The following NEK8 variants were observed in gnomAD, a reference collection of about 807,000 sequenced individuals.
NEK8 encodes the protein serine/threonine-protein kinase Nek8.
Under a neutral mutation model 77.2 loss-of-function variants are expected in NEK8, and 51 were observed. The observed-to-expected ratio is 0.66, with a 90% CI of 0.53 to 0.83. NEK8 has a LOEUF of 0.83. Ranked by LOEUF, NEK8 falls within the 40% of genes least tolerant of loss-of-function variation. The probability of loss-of-function intolerance (pLI) is 0.00; values close to 1 mark genes in which losing one functional copy is unlikely to be tolerated. For synonymous variants in NEK8, 365 were observed against 363.2 expected (o/e 1.00, Z -0.06); for missense variants, 787 against 909.2 (o/e 0.87, Z 1.73).
rs767752806 is a variant in NEK8, at chr17:28,740,423, C to T, written c.1418-40C>T. ...CCTCCTCATTCGGGCATCACCCCCA[C>T]TAAAGCTCAAATTAACTCCTTCTGG... On this transcript the variant is annotated intron_variant, in intron 10 of 14. Coordinates refer to ENST00000268766, the MANE Select transcript of NEK8 (RefSeq NM_178170.3). This position sits in a 1 kb window ranked among gnomAD's most constrained non-coding sequence, Gnocchi z 4.7. 3.1e-6 allele frequency: 5 copies of T among 1,609,708 alleles called. No homozygotes were observed. The East Asian group carries it at 8.9e-5, about 29-fold the overall frequency.
intron 1 of NEK8, among the ~76,000 whole-genome samples, chr17:28,733,324 T>C (rs937404608): frequency 6.6e-6 from 1 of 152,240 alleles, no homozygotes. Context: ...TTAGGATGAC[T>C]GTGAGCCATT....
chr17:28,731,321 C>T (rs2034304250), intron 1 of NEK8, among the ~76,000 whole-genome samples: 1 of 151,812 alleles, frequency 6.6e-6, no homozygotes, highest in Non-Finnish European at 1.5e-5. Context: ...GGGCAGGTCA[C>T]GAGGTCAAGA....
In NEK8 at chr17:28,737,909, T is replaced by C; in HGVS notation, c.980T>C (p.Leu327Pro). ...GGTGGGCTGGGCACCCCCCTGCGGC[T>C]GCCAATGCTCAACACAGAGGTGGTC... ...WGGGLGTPLR[L>P]PMLNTEVVQV... Residue 327 changes from leucine to proline, a missense_variant, in exon 7 of 15, where the codon CTG becomes CCG. Around this residue, in one of 2 missense-constraint regions of NEK8, gnomAD observed 516 missense variants for 544.0 expected, o/e 0.95. Transcript: ENST00000268766. This position sits in a 1 kb window ranked among gnomAD's most constrained non-coding sequence, Gnocchi z 4.8. 1 of 1,613,824 alleles carries C rather than the reference T, an allele frequency of 6.2e-7. No homozygotes were observed. The highest frequency in any genetic ancestry group is 8.5e-7 in the Non-Finnish European group (1 of 1,179,984).
chr17:28,732,675 C>T (rs914657363), intron 1 of NEK8, among the ~76,000 whole-genome samples: 1 of 150,722 alleles, frequency 6.6e-6, no homozygotes, highest in Non-Finnish European at 1.5e-5. Flanking sequence ...CCTCAGCCTC[C>T]CGAGTAGCTG....
rs901609723 is a variant in NEK8, at chr17:28,737,454, C to G, written c.767C>G (p.Pro256Arg). 6.2e-7 allele frequency: 1 copy of G among 1,612,982 alleles called. No homozygotes were observed. The highest frequency in any genetic ancestry group is 1.3e-5 in the African/African-American group (1 of 74,930). ...RPPLSHIMAQ[P>R]LCIRALLNLH... Reference sequence around the variant, plus strand: ...CCACTCAGCCACATCATGGCACAGCCCCTCTGCATCCGTGCCCTCCTCAAC... The same window carrying G: ...CCACTCAGCCACATCATGGCACAGCGCCTCTGCATCCGTGCCCTCCTCAAC... Residue 256 changes from proline (P) to arginine (R), a missense_variant, in exon 5 of 15, where the codon CCC becomes CGC. Coordinates refer to ENST00000268766, the MANE Select transcript of NEK8 (RefSeq NM_178170.3). The surrounding 1 kb of genome is among the most constrained non-coding windows in gnomAD (Gnocchi z 4.8).
Position 28,740,009 on chromosome 17 carries a change from G to A in NEK8, c.1418-454G>A, listed in dbSNP as rs1036912790. Among the ~76,000 whole-genome samples, 5 of 152,026 alleles carry A rather than the reference G, an allele frequency of 3.3e-5. No homozygotes were observed. Among genetic ancestry groups the A allele is most frequent in the Non-Finnish European group, 7.4e-5 (5 of 68,006 alleles). On this transcript the variant is annotated intron_variant, in intron 10 of 14. Coordinates refer to ENST00000268766, the MANE Select transcript of NEK8 (RefSeq NM_178170.3). The surrounding 1 kb of genome is among the most constrained non-coding windows in gnomAD (Gnocchi z 4.7). ...CTTTAAAGGAGGAGGATTTTGAGCC[G>A]GCGTGGTGGCTCACGCCTGTAATCC...
At chr17:28,728,990 G>A in intron 1 of NEK8, 130 bp downstream of exon 1, 1 of 846,738 alleles carries the variant, frequency 1.2e-6, no homozygotes, top group Non-Finnish European at 1.9e-6. Flanking sequence ...CCCCGCCCAA[G>A]CTTCCGGTCC....
chr17:28,732,052 TC>T (rs2034313407), intron 1 of NEK8, among the ~76,000 whole-genome samples: 2 of 148,672 alleles, frequency 1.3e-5, no homozygotes, highest in African/African-American at 5.0e-5. Flanking sequence ...TGCCTCAGTC[TC>T]CCGAGTAGCT....
In NEK8 at chr17:28,740,485, G is replaced by C; in HGVS notation, c.1440G>C (p.Arg480Ser). 1.2e-6 allele frequency: 2 copies of C among 1,614,046 alleles called. No homozygotes were observed. The highest frequency in any genetic ancestry group is 2.2e-5 in the East Asian group (1 of 44,880). Residue 480 changes from arginine (R) to serine (S), a missense_variant, in exon 11 of 15, where the codon AGG becomes AGC. Physicochemically the swap from Arg to Ser is moderately radical, Grantham distance 110. This residue lies in a region of NEK8 where 516 missense variants were observed against 544.0 expected (regional missense o/e 0.95). Coordinates refer to ENST00000268766, the MANE Select transcript of NEK8 (RefSeq NM_178170.3). This position sits in a 1 kb window ranked among gnomAD's most constrained non-coding sequence, Gnocchi z 4.7. ...GDSGRLGLGTRESHSCPQQVP... is the reference protein window; with the variant it reads ...GDSGRLGLGTSESHSCPQQVP... Reference sequence around the variant, plus strand: ...TAGGCAGACTGGGGCTAGGCACCAGGGAGTCCCACAGCTGCCCCCAGCAGG... The same window carrying C: ...TAGGCAGACTGGGGCTAGGCACCAGCGAGTCCCACAGCTGCCCCCAGCAGG...
Position 28,734,699 on chromosome 17 carries a change from C to A in NEK8, c.254-73C>A, listed in dbSNP as rs747953383. Reference sequence around the variant, plus strand: ...GAGACTCCATCTCAAAAAAAAAAAACAACAACAACAATGGAGAGGGGTTGT... The same window carrying A: ...GAGACTCCATCTCAAAAAAAAAAAAAAACAACAACAATGGAGAGGGGTTGT... On this transcript the variant is annotated intron_variant, in intron 2 of 14. Transcript: ENST00000268766. 1.4e-3 allele frequency: 1,278 copies of A among 897,976 alleles called. 1 individual carries two copies. The highest frequency in any genetic ancestry group is 1.8e-3 in the Non-Finnish European group (1,019 of 574,434). 55.6% of individuals were successfully genotyped at this position (897,976 alleles called of 1,614,324 possible).
At position 28,737,794 on chromosome 17, in the gene NEK8, T is replaced by C; in HGVS notation, c.890-25T>C. ...TGCCACACCATTCCCATCAGTTTAA[T>C]AGTCCCCATGCACTGTACCTGCAGG... On this transcript the variant is annotated intron_variant, in intron 6 of 14. Transcript: ENST00000268766. The surrounding 1 kb of genome is among the most constrained non-coding windows in gnomAD (Gnocchi z 4.8). The C allele has an allele frequency of 6.2e-7, 1 of 1,614,114 alleles. No homozygotes were observed. The highest frequency in any genetic ancestry group is 8.5e-7 in the Non-Finnish European group (1 of 1,179,990).
chr17:28,735,435 C>T (rs966999548), intron 4 of NEK8, 64 bp downstream of exon 4: 9 of 1,551,814 alleles, frequency 5.8e-6, no homozygotes, highest in East Asian at 4.7e-5. Context: ...CAGCCCTTGG[C>T]TCAAGCCACC....
At chr17:28,734,262 G>A in intron 2 of NEK8, 74 bp downstream of exon 2, 2 of 1,346,996 alleles carry the variant, frequency 1.5e-6, no homozygotes, top group Non-Finnish European at 2.1e-6. Context: ...AGATCTCCTG[G>A]CTTCCCTCCT....
rs1295115653 is a variant in NEK8, at chr17:28,728,801, T to G, written c.-13T>G. ...GCCGCGTGGGGGACGGAAGTGAAAC[T>G]CTAAGAAATGAGATGGAGAAGTACG... On this transcript the variant is annotated 5_prime_UTR_variant, in exon 1 of 15. Coordinates refer to ENST00000268766, the MANE Select transcript of NEK8 (RefSeq NM_178170.3). 2 of 1,551,024 alleles carry G rather than the reference T, an allele frequency of 1.3e-6. No individual in the cohort carries two copies. Among genetic ancestry groups the G allele is most frequent in the Non-Finnish European group, 1.7e-6 (2 of 1,146,486 alleles).
chr17:28,741,175 T>C lies in NEK8; in HGVS notation c.1830T>C (p.Leu610=), dbSNP rs1182604757. The C allele has an allele frequency of 1.2e-6, 2 of 1,613,638 alleles. No homozygotes were observed. The highest frequency in any genetic ancestry group is 1.7e-6 in the Non-Finnish European group (2 of 1,179,878). Residue 610 remains leucine, a synonymous_variant, in exon 13 of 15, where the codon CTT becomes CTC. Coordinates refer to ENST00000268766, the MANE Select transcript of NEK8 (RefSeq NM_178170.3). The surrounding 1 kb of genome is among the most constrained non-coding windows in gnomAD (Gnocchi z 4.5). ...GGGCACCCTGTAAGGTCCAAGGCCTTGAGGGCATCAAGATGGCAATGGTAG... is the reference window on the plus strand; with the variant it reads ...GGGCACCCTGTAAGGTCCAAGGCCTCGAGGGCATCAAGATGGCAATGGTAG... ...GSRAPCKVQG[L]EGIKMAMVAC...
In NEK8 at chr17:28,741,280, G is replaced by A. The variant is rs766043103; in HGVS notation, c.1891+44G>A. On this transcript the variant is annotated intron_variant, in intron 13 of 14. Coordinates refer to ENST00000268766, the MANE Select transcript of NEK8 (RefSeq NM_178170.3). The surrounding 1 kb of genome is among the most constrained non-coding windows in gnomAD (Gnocchi z 4.5). The stretch of plus-strand genomic sequence containing the variant: ...GGGGGCAGACAGTGCCATGAGCAGT[G>A]GGGGGTGGGGGTTGCTATTCAGGGC... The A allele has an allele frequency of 1.3e-5, 21 of 1,592,480 alleles. No individual in the cohort carries two copies. The highest frequency in any genetic ancestry group is 1.8e-5 in the Non-Finnish European group (21 of 1,167,434).
rs375692011 is a variant in NEK8 at position 28,739,152 on chromosome 17, G to A, written c.1368G>A (p.Leu456=). 1 of 1,614,168 alleles carries A rather than the reference G, an allele frequency of 6.2e-7. No individual in the cohort carries two copies. Among genetic ancestry groups the A allele is most frequent in the Admixed American group, 1.7e-5 (1 of 60,022 alleles). Reference sequence around the variant, plus strand: ...TGGCCTGTGGGGCCTCTCACGTGCTGGCCCTGTCCACTGAGCGAGAACTAT... The same window carrying A: ...TGGCCTGTGGGGCCTCTCACGTGCTAGCCCTGTCCACTGAGCGAGAACTAT... ...VQVACGASHV[L]ALSTERELFA... The change falls in exon 10 of 15, where the codon CTG becomes CTA. Residue 456 remains leucine (L), a synonymous_variant. Transcript: ENST00000268766.
chr17:28,738,627 T>C, intron 8 of NEK8, 44 bp from the exon 9 acceptor site: 6 of 1,576,018 alleles, frequency 3.8e-6, no homozygotes, highest in Non-Finnish European at 5.2e-6. Context: ...GGAAAGACTG[T>C]TTAACTTCTT....
At chr17:28,732,120 C>T (rs998470168) in intron 1 of NEK8, among the ~76,000 whole-genome samples, 6 of 150,720 alleles carry the variant, frequency 4.0e-5, no homozygotes, top group African/African-American at 9.8e-5. Flanking sequence ...TTAGTAGAGA[C>T]GGGGTTTCAT....
Sources: allele counts gnomAD v4.1 joint callset (sites outside exome capture counted in the v4.1 genomes callset), GRCh38; gene constraint gnomAD v4.1.1; regional missense constraint gnomAD v4.1.1; non-coding constraint Gnocchi (gnomAD v3.1); transcripts MANE v1.5; gene names NCBI Gene and HGNC (gene_info 2026-07-23, HGNC 2026-07-21).